The following CACNB4 variants were observed in gnomAD, a reference collection of about 807,000 sequenced individuals.
CACNB4 encodes voltage-dependent L-type calcium channel subunit beta-4.
Under a neutral mutation model 71.2 loss-of-function variants are expected in CACNB4, and 32 were observed. The ratio of observed to expected loss-of-function variants is 0.45; its 90% confidence interval spans 0.34 to 0.60. The LOEUF is 0.60. CACNB4 is among the 20% of genes least tolerant of loss of function. The pLI is 0.01. For synonymous variants in CACNB4, 231 were observed against 236.9 expected (o/e 0.97, Z 0.23); for missense variants, 464 against 647.9 (o/e 0.72, Z 3.08).
At chr2:152,060,417 T>C (rs1434718885) in intron 2 of CACNB4, among the ~76,000 whole-genome samples, 1 of 152,232 alleles carries the variant, frequency 6.6e-6, no homozygotes. Flanking sequence ...GTCTTCAGAT[T>C]TTTTAAATTA....
chr2:151,949,733 T>C (rs2099866453), intron 2 of CACNB4, among the ~76,000 whole-genome samples: 1 of 152,094 alleles, frequency 6.6e-6, no homozygotes, highest in South Asian at 2.1e-4. Flanking sequence ...GTAAATAACA[T>C]GATCAGATTT....
chr2:151,917,635 G>C (rs1012791469), intron 2 of CACNB4, among the ~76,000 whole-genome samples: 6 of 151,950 alleles, frequency 3.9e-5, no homozygotes, highest in African/African-American at 1.5e-4. Flanking sequence ...TCAGGAGTTC[G>C]AGACCAGCCT....
rs2099834525 is a variant in CACNB4 at position 151,834,743 on chromosome 2, T to C, written c.*4376A>G. 1 of 151,910 alleles carries C rather than the reference T, an allele frequency of 6.6e-6. No homozygotes were observed. The highest frequency in any genetic ancestry group is 2.1e-4 in the South Asian group (1 of 4,834). The allele number at this position is 151,910 out of a possible 1,614,324, so 9.4% of individuals were successfully genotyped here. On this transcript the variant is annotated 3_prime_UTR_variant, in exon 14 of 14. Coordinates refer to ENST00000539935, the MANE Select transcript of CACNB4 (RefSeq NM_000726.5). ...TGATTATTTTAAAGAAGAGGACTGT[T>C]CTCTGCCCCATAGACACAGCTTGAG...
intron 2 of CACNB4, chr2:151,971,843 C>A: frequency 3.9e-6 from 2 of 506,920 alleles, no homozygotes; most frequent in Non-Finnish European, 7.2e-6. Flanking sequence ...TGAGGATTGG[C>A]CAGATGCCCA....
chr2:151,872,928 A>G (rs2099845012), intron 5 of CACNB4: 1 of 153,490 alleles, frequency 6.5e-6, no homozygotes, highest in Non-Finnish European at 1.4e-5. Context: ...ATTGGTCACG[A>G]AAAATATTAT....
chr2:152,089,152 C>G (rs141967890), intron 2 of CACNB4, among the ~76,000 whole-genome samples: 2 of 152,318 alleles, frequency 1.3e-5, no homozygotes, highest in African/African-American at 4.8e-5. Flanking sequence ...AGAACTGACA[C>G]TCTTATAGAA....
chr2:152,076,081 G>C (rs1411601274), intron 2 of CACNB4, among the ~76,000 whole-genome samples: 1 of 151,382 alleles, frequency 6.6e-6, no homozygotes, highest in Non-Finnish European at 1.5e-5. Context: ...CTTGCTGAAA[G>C]CTAGTAGGCC....
chr2:152,073,358 C>G (rs1009430007), intron 2 of CACNB4, among the ~76,000 whole-genome samples: 1 of 152,148 alleles, frequency 6.6e-6, no homozygotes, highest in Non-Finnish European at 1.5e-5. Context: ...CACCCATCAC[C>G]CCATGCCAAA....
At chr2:152,096,639 T>G (rs1233039652) in intron 2 of CACNB4, among the ~76,000 whole-genome samples, 1 of 152,234 alleles carries the variant, frequency 6.6e-6, no homozygotes, top group African/African-American at 2.4e-5. Flanking sequence ...AAAAATCTAC[T>G]TTGCTTTAAA....
At chr2:151,840,673 G>A (rs2099835962) in intron 13 of CACNB4, among the ~76,000 whole-genome samples, 1 of 152,166 alleles carries the variant, frequency 6.6e-6, no homozygotes, top group African/African-American at 2.4e-5. Flanking sequence ...TCATTTGCAT[G>A]ACAGTTTTTC....
rs115076396 is a variant in CACNB4, at chr2:151,896,932, G to A, written c.148-13562C>T. On this transcript the variant is annotated intron_variant, in intron 2 of 13. Coordinates refer to ENST00000539935, the MANE Select transcript of CACNB4 (RefSeq NM_000726.5). ...CCCAAGGTCATGCAGCTGGTAAAGT[G>A]TGGTGAACCCTGGTTGGACTGGCTC... 4.9e-4 allele frequency among the ~76,000 whole-genome samples: 75 copies of A among 152,308 alleles called. 1 individual carries two copies. Among genetic ancestry groups the A allele is most frequent in the Non-Finnish European group, 8.2e-4 (56 of 68,024 alleles).
At position 151,938,355 on chromosome 2, in the gene CACNB4, T is replaced by C. The variant is rs117312747; in HGVS notation, c.148-54985A>G. Among the ~76,000 whole-genome samples, 47 of 152,294 alleles carry C rather than the reference T, an allele frequency of 3.1e-4. No individual in the cohort carries two copies. In the East Asian group the frequency reaches 7.1e-3, roughly 23 times the overall value. On this transcript the variant is annotated intron_variant, in intron 2 of 13. Transcript: ENST00000539935. ...TTTAGAATGAATATGAAATAGAACA[T>C]TGTGAAATCTTGGACCTACTTACTT... is the stretch of plus-strand genomic sequence containing the variant.
chr2:151,850,141 C>CTTTCTTTCTTTTT (rs1553744905), intron 12 of CACNB4: 15 of 98,158 alleles, frequency 1.5e-4, no homozygotes, highest in South Asian at 4.0e-4. Context: ...TTCTTTCTTT[C>CTTTCTTTCTTTTT]TTTTTTTTTT....
intron 8 of CACNB4, 182 bp from the exon 9 acceptor site, chr2:151,869,417 T>C: frequency 1.8e-6 from 1 of 543,098 alleles, no homozygotes. Flanking sequence ...CAATTGCTAA[T>C]TTCCACCCCC....
At chr2:152,021,066 C>T (rs1054929956) in intron 2 of CACNB4, among the ~76,000 whole-genome samples, 3 of 152,058 alleles carry the variant, frequency 2.0e-5, no homozygotes, top group South Asian at 2.1e-4. Flanking sequence ...TCCTGGCCAA[C>T]GTGGTGAAAC....
chr2:152,070,902 G>A (rs948745179), intron 2 of CACNB4, among the ~76,000 whole-genome samples: 1 of 152,106 alleles, frequency 6.6e-6, no homozygotes, highest in Non-Finnish European at 1.5e-5. Context: ...TGAGTAGCTG[G>A]GACTACAGGC....
intron 2 of CACNB4, among the ~76,000 whole-genome samples, chr2:151,946,328 G>A (rs1472208324): frequency 7.2e-6 from 1 of 138,332 alleles, no homozygotes. Context: ...AAACTCTGTC[G>A]CAAAAAAAAA....
At chr2:151,875,543 G>T (rs1263466463) in intron 5 of CACNB4, among the ~76,000 whole-genome samples, 1 of 151,624 alleles carries the variant, frequency 6.6e-6, no homozygotes. Context: ...CCGGGCAGAG[G>T]GGCTCCTCAC....
At chr2:152,049,288 C>T (rs1685297157) in intron 2 of CACNB4, among the ~76,000 whole-genome samples, 1 of 152,196 alleles carries the variant, frequency 6.6e-6, no homozygotes, top group Admixed American at 6.5e-5. Flanking sequence ...CCCCAGCCAC[C>T]CAGGTAGCTG....
Sources: gnomAD v4.1 joint callset for allele counts (sites outside exome capture counted in the v4.1 genomes callset) on GRCh38, gnomAD v4.1.1 for gene constraint, MANE v1.5 for transcripts, NCBI Gene and HGNC (gene_info 2026-07-23, HGNC 2026-07-21) for gene names.